Variants in RPF2 observed in about 807,000 individuals in gnomAD.
RPF2 encodes the protein brix domain containing 1.
Under a neutral mutation model 38.9 loss-of-function variants are expected in RPF2, and 21 were observed. The observed-to-expected ratio is 0.54, with a 90% CI of 0.38 to 0.78. The LOEUF (loss-of-function observed/expected upper bound fraction) is 0.78. RPF2 is among the 30% of genes least tolerant of loss of function. The probability of loss-of-function intolerance (pLI) is 0.00; values close to 1 mark genes in which losing one functional copy is unlikely to be tolerated. For synonymous variants in RPF2, 121 were observed against 126.2 expected (o/e 0.96, Z 0.28); for missense variants, 314 against 358.1 (o/e 0.88, Z 0.99).
chr6:111,018,043 C>T (rs34557159), intron 8 of RPF2, among the ~76,000 whole-genome samples: 24,475 of 151,668 alleles, frequency 0.16, 2,506 homozygotes, highest in East Asian at 0.52. Context: ...AAACCCCGTC[C>T]CCACCAAAAA....
intron 8 of RPF2, among the ~76,000 whole-genome samples, chr6:111,022,182 A>G (rs1163407198): frequency 6.6e-6 from 1 of 152,248 alleles, no homozygotes; most frequent in African/African-American, 2.4e-5. Flanking sequence ...ATACTTTGAA[A>G]AGCAAACATA....
At chr6:111,004,349 A>C (rs1007143871) in intron 6 of RPF2, among the ~76,000 whole-genome samples, 1 of 148,830 alleles carries the variant, frequency 6.7e-6, no homozygotes, top group Non-Finnish European at 1.5e-5. Context: ...TATGCAGCTA[A>C]TTTTTTGTAT....
Position 110,994,770 on chromosome 6 carries a change from C to CACACAT in RPF2, c.235-2413_235-2412insACACAT, listed in dbSNP as rs1554247831. 2.6e-3 allele frequency among the ~76,000 whole-genome samples: 378 copies of CACACAT among 145,856 alleles called. 3 individuals are homozygous for CACACAT. The highest frequency in any genetic ancestry group is 9.2e-3 in the African/African-American group (346 of 37,556). On this transcript the variant is annotated intron_variant, in intron 4 of 9. Transcript: ENST00000441448. ...ACACACACACACACACACACACACA[C>CACACAT]GAGTATGTATGTATATAAAACACTC...
In RPF2 at chr6:111,027,023, A is replaced by T. The variant is rs1169428161; in HGVS notation, c.*1441A>T. 1 of 152,190 alleles carries T rather than the reference A, an allele frequency of 6.6e-6. No individual in the cohort carries two copies. Among genetic ancestry groups the T allele is most frequent in the Non-Finnish European group, 1.5e-5 (1 of 68,082 alleles). 9.4% of individuals were successfully genotyped at this position (152,190 alleles called of 1,614,324 possible). On this transcript the variant is annotated 3_prime_UTR_variant, in exon 10 of 10. Transcript: ENST00000441448. The stretch of plus-strand genomic sequence containing the variant: ...CTCCCGAGTAGCTGGGATTACAGGC[A>T]CCCACCACCACGCCTGGCTGATTTT...
chr6:111,000,626 C>G (rs925744639), intron 6 of RPF2, among the ~76,000 whole-genome samples: 7 of 152,154 alleles, frequency 4.6e-5, no homozygotes, highest in African/African-American at 1.7e-4. Context: ...GAAGAGTGTT[C>G]TAACTCAGCT....
chr6:111,003,672 A>T (rs191193303), intron 6 of RPF2, among the ~76,000 whole-genome samples: 251 of 152,174 alleles, frequency 1.6e-3, no homozygotes, highest in African/African-American at 5.5e-3. Flanking sequence ...ATTTTTTTTT[A>T]AATTAGCCTT....
At chr6:111,006,948 C>T (rs1454269854) in intron 6 of RPF2, among the ~76,000 whole-genome samples, 1 of 152,084 alleles carries the variant, frequency 6.6e-6, no homozygotes, top group African/African-American at 2.4e-5. Flanking sequence ...TGGCACATGC[C>T]TGTAGTCCCA....
chr6:110,991,398 CTTT>C (rs35689923), intron 3 of RPF2, among the ~76,000 whole-genome samples: 2 of 135,504 alleles, frequency 1.5e-5, no homozygotes, highest in Non-Finnish European at 1.6e-5. Context: ...GCGCCCCCTG[CTTT>C]TTTTTTTTTT....
intron 3 of RPF2, among the ~76,000 whole-genome samples, chr6:110,990,651 C>T (rs1379124570): frequency 6.7e-6 from 1 of 149,274 alleles, no homozygotes; most frequent in African/African-American, 2.5e-5. Flanking sequence ...GTGGTGCGAC[C>T]TCAGCTCACC....
At chr6:110,982,514 A>T in intron 1 of RPF2, 1 of 243,732 alleles carries the variant, frequency 4.1e-6, no homozygotes, top group South Asian at 6.9e-5. Context: ...GTCATTAAAT[A>T]TCTCTAAATC....
At chr6:110,982,346 G>A (rs1771447611) in intron 1 of RPF2, 1 of 603,802 alleles carries the variant, frequency 1.7e-6, no homozygotes, top group Non-Finnish European at 3.0e-6. Context: ...GAGGGATGTG[G>A]GATTGAAGCG....
chr6:110,991,493 T>C (rs1771619823), intron 3 of RPF2, among the ~76,000 whole-genome samples: 1 of 151,434 alleles, frequency 6.6e-6, no homozygotes. Context: ...GGATGCAGAA[T>C]CCATATGTAC....
chr6:110,986,135 T>C (rs1771521365), intron 2 of RPF2, among the ~76,000 whole-genome samples: 1 of 152,034 alleles, frequency 6.6e-6, no homozygotes, highest in Admixed American at 6.6e-5. Flanking sequence ...TGTAAATAAT[T>C]GGGCATGGCC....
chr6:110,985,321 A>C (rs1771506328), intron 2 of RPF2, among the ~76,000 whole-genome samples, 183 bp downstream of exon 2: 1 of 152,180 alleles, frequency 6.6e-6, no homozygotes, highest in African/African-American at 2.4e-5. Context: ...TAAAGCAACT[A>C]GTTCTCTTAG....
chr6:110,987,024 C>T (rs192181118), intron 2 of RPF2, among the ~76,000 whole-genome samples: 1 of 151,236 alleles, frequency 6.6e-6, no homozygotes, highest in Non-Finnish European at 1.5e-5. Flanking sequence ...GCCTTGAGTA[C>T]AGCCAATAGA....
chr6:111,004,770 C>T (rs544987063), intron 6 of RPF2, among the ~76,000 whole-genome samples: 9 of 151,578 alleles, frequency 5.9e-5, no homozygotes, highest in Admixed American at 2.6e-4. Context: ...GGTTTCACCA[C>T]GTTGGCCAGG....
chr6:111,010,593 T>C (rs1253946749), intron 7 of RPF2, among the ~76,000 whole-genome samples: 1 of 152,242 alleles, frequency 6.6e-6, no homozygotes, highest in East Asian at 1.9e-4. Context: ...CATCTGATGC[T>C]CAGTGGCCTT....
At chr6:111,023,314 A>G (rs1772265656) in intron 8 of RPF2, among the ~76,000 whole-genome samples, 1 of 152,222 alleles carries the variant, frequency 6.6e-6, no homozygotes, top group African/African-American at 2.4e-5. Context: ...TTATTTTAAG[A>G]TTTTAAAGTT....
At chr6:111,016,836 C>T (rs1216173447) in intron 8 of RPF2, among the ~76,000 whole-genome samples, 3 of 151,416 alleles carry the variant, frequency 2.0e-5, no homozygotes, top group Non-Finnish European at 4.4e-5. Flanking sequence ...TGCGGCCTTC[C>T]GCAGTGTTTG....
Sources: gnomAD v4.1 joint callset for allele counts (sites outside exome capture counted in the v4.1 genomes callset) on GRCh38, gnomAD v4.1.1 for gene constraint, MANE v1.5 for transcripts, NCBI Gene and HGNC (gene_info 2026-07-23, HGNC 2026-07-21) for gene names.